Variants in CCDC30 observed in about 807,000 individuals in gnomAD.
CCDC30 encodes coiled-coil domain containing 30.
In CCDC30, 70 loss-of-function variants were observed where a neutral mutation model predicts 100.2. That is an observed-to-expected ratio of 0.70 (90% CI 0.58 to 0.85). The LOEUF is 0.85. CCDC30 is among the 40% of genes least tolerant of loss of function. The pLI, the probability that CCDC30 is intolerant of heterozygous loss-of-function variation, is 0.00. For missense variants in CCDC30, 652 were observed against 771.2 expected (o/e 0.85, Z 1.83); for synonymous variants, 233 against 269.5 (o/e 0.86, Z 1.33).
At chr1:42,571,722 T>C (rs1292553730) in intron 7 of CCDC30, among the ~76,000 whole-genome samples, 2 of 152,238 alleles carry the variant, frequency 1.3e-5, no homozygotes, top group Non-Finnish European at 2.9e-5. Context: ...ACTCATTTCA[T>C]TGTGTTTAAC....
chr1:42,565,194 C>T (rs971517800), intron 6 of CCDC30, among the ~76,000 whole-genome samples: 3 of 151,906 alleles, frequency 2.0e-5, no homozygotes, highest in African/African-American at 7.3e-5. Flanking sequence ...AATGGGGTTG[C>T]GTCAAGTTAA....
At chr1:42,556,427 C>A (rs551091763) in intron 6 of CCDC30, 22 bp downstream of exon 10, 8 of 1,562,728 alleles carry the variant, frequency 5.1e-6, no homozygotes, top group Admixed American at 4.0e-5. Flanking sequence ...AAACACATGC[C>A]CTGACTGGGT....
intron 10 of CCDC30, chr1:42,591,892 T>C (rs552105196): frequency 6.6e-6 from 1 of 152,416 alleles, no homozygotes; most frequent in South Asian, 2.1e-4. Context: ...CATTGTGCCC[T>C]GGATGTGGGA....
downstream of CCDC30, among the ~76,000 whole-genome samples, chr1:42,655,867 C>CTTTTTTTTTTTTT (rs766715541): frequency 1.1e-5 from 1 of 87,312 alleles, no homozygotes; most frequent in Non-Finnish European, 2.2e-5. Flanking sequence ...GCTGTTTTTA[C>CTTTTTTTTTTTTT]TTTTTTTTTT....
chr1:42,464,305 C>G (rs1462011316), intron 1 of CCDC30: 1 of 152,142 alleles, frequency 6.6e-6, no homozygotes, highest in African/African-American at 2.4e-5. Flanking sequence ...CCATTTCAGG[C>G]TTACATAATG....
chr1:42,566,338 G>C (rs779045178), exon 7 of CCDC30: 1 of 1,613,858 alleles, frequency 6.2e-7, no homozygotes, highest in Admixed American at 1.7e-5. Flanking sequence ...CCAGCAAGGG[G>C]AAGTACAACA....
chr1:42,621,724 G>A (rs548346250), intron 11 of CCDC30, among the ~76,000 whole-genome samples: 9 of 151,964 alleles, frequency 5.9e-5, no homozygotes, highest in Non-Finnish European at 1.2e-4. Context: ...TGTTAGCCAG[G>A]ATGGTCGCGA....
At chr1:42,462,784 C>G (rs1011336279), upstream of CCDC30, among the ~76,000 whole-genome samples, 1 of 152,186 alleles carries the variant, frequency 6.6e-6, no homozygotes, top group Non-Finnish European at 1.5e-5. Context: ...TAAAGGGCTT[C>G]AGCCTTAGGG....
intron 7 of CCDC30, among the ~76,000 whole-genome samples, chr1:42,575,554 G>A (rs1645816283): frequency 6.7e-6 from 1 of 150,146 alleles, no homozygotes. Flanking sequence ...GGAGGCTGAG[G>A]CAGGAGAATG....
chr1:42,510,835 C>A (rs1263459679), intron 6 of CCDC30, among the ~76,000 whole-genome samples: 1 of 151,810 alleles, frequency 6.6e-6, no homozygotes. Context: ...TTGGGGGAAT[C>A]ATTCTCTGTA....
At chr1:42,528,058 G>T (rs1341279074) in intron 6 of CCDC30, among the ~76,000 whole-genome samples, 2 of 151,988 alleles carry the variant, frequency 1.3e-5, no homozygotes, top group African/African-American at 4.8e-5. Flanking sequence ...TAGAGATGGG[G>T]TTTCACCACA....
chr1:42,486,537 C>T (rs1204729145), intron 3 of CCDC30, among the ~76,000 whole-genome samples: 1 of 152,174 alleles, frequency 6.6e-6, no homozygotes, highest in African/African-American at 2.4e-5. Flanking sequence ...GGTGGTGAGT[C>T]TTTCATGAAC....
rs182653905 is a variant in CCDC30 at position 42,507,506 on chromosome 1, A to G, written c.456+8590A>G. On this transcript the variant is annotated intron_variant, in intron 6 of 16. Transcript: ENST00000668663. ...CCTTCAGCTTTATCTTATCTAATTTAAGACAATTCTTTATGACTAGGTAAA... is the reference window on the plus strand; with the variant it reads ...CCTTCAGCTTTATCTTATCTAATTTGAGACAATTCTTTATGACTAGGTAAA... Among the ~76,000 whole-genome samples, 13 of 152,328 alleles carry G rather than the reference A, an allele frequency of 8.5e-5. No individual in the cohort carries two copies. In the East Asian group the frequency reaches 2.1e-3, roughly 25 times the overall value.
chr1:42,643,798 A>C (rs1189201806), intron 13 of CCDC30, among the ~76,000 whole-genome samples: 1 of 152,230 alleles, frequency 6.6e-6, no homozygotes. Context: ...GTTACATTGC[A>C]TAAGTACATG....
intron 6 of CCDC30, among the ~76,000 whole-genome samples, chr1:42,509,729 A>G (rs1644448181): frequency 6.6e-6 from 1 of 152,176 alleles, no homozygotes; most frequent in Non-Finnish European, 1.5e-5. Context: ...AAAGACACAC[A>G]ATGCACACTA....
intron 11 of CCDC30, among the ~76,000 whole-genome samples, chr1:42,630,017 C>A (rs1647007584): frequency 7.2e-6 from 1 of 138,648 alleles, no homozygotes; most frequent in Non-Finnish European, 1.5e-5. Flanking sequence ...CTCTGTTGCC[C>A]ATGCTGGAGT....
intron 8 of CCDC30, among the ~76,000 whole-genome samples, chr1:42,578,812 C>T (rs1159078916): frequency 2.0e-5 from 3 of 152,012 alleles, no homozygotes; most frequent in Non-Finnish European, 2.9e-5. Flanking sequence ...CTAGAAACAA[C>T]CCAAATGTCC....
At chr1:42,477,925 A>T (rs753775597) in intron 1 of CCDC30, among the ~76,000 whole-genome samples, 1 of 152,192 alleles carries the variant, frequency 6.6e-6, no homozygotes, top group Non-Finnish European at 1.5e-5. Context: ...GGCAAAGGGA[A>T]CAGAGTTGAT....
In CCDC30 at chr1:42,596,040, C is replaced by T. The variant is rs1646281155; in HGVS notation, c.1164+6557C>T. On this transcript the variant is annotated intron_variant, in intron 10 of 16. Coordinates refer to ENST00000668663, the Ensembl canonical transcript of CCDC30. This position sits in a 1 kb window ranked among gnomAD's most constrained non-coding sequence, Gnocchi z 4.3. Reference sequence around the variant, plus strand: ...AATGCCAAACAAACTGAAAAATCAACACATTTCCCTAGATCCTTCAGAGAA... The same window carrying T: ...AATGCCAAACAAACTGAAAAATCAATACATTTCCCTAGATCCTTCAGAGAA... Among the ~76,000 whole-genome samples, 1 of 152,184 alleles carries T rather than the reference C, an allele frequency of 6.6e-6. No individual in the cohort carries two copies. The highest frequency in any genetic ancestry group is 2.4e-5 in the African/African-American group (1 of 41,448).
Sources: gnomAD v4.1 joint callset for allele counts (sites outside exome capture counted in the v4.1 genomes callset) on GRCh38, gnomAD v4.1.1 for gene constraint, Gnocchi (gnomAD v3.1) non-coding constraint, MANE v1.5 for transcripts, NCBI Gene and HGNC (gene_info 2026-07-23, HGNC 2026-07-21) for gene names.